CASKIN1: variants seen among roughly 807,000 people sequenced by gnomAD.
CASKIN1 encodes the protein CASK interacting protein 1.
In CASKIN1, 42 loss-of-function variants were observed where a neutral mutation model predicts 117.5. The observed-to-expected ratio is 0.36, with a 90% CI of 0.28 to 0.46. The LOEUF is 0.46. CASKIN1 is among the 20% of genes least tolerant of loss of function. The pLI is 1.00. For missense variants in CASKIN1, 2,083 were observed against 2,077.3 expected (o/e 1.00, Z -0.05); for synonymous variants, 1,148 against 961.7 (o/e 1.19, Z -3.59).
At position 2,177,812 on chromosome 16, in the gene CASKIN1, TG is replaced by T. The variant is rs1391053892; in HGVS notation, c.*737del. On this transcript the variant is annotated 3_prime_UTR_variant, in exon 20 of 20. Transcript: ENST00000343516. ...AGAGCAAGGCACAACCTCGAGTTCT[TG>T]GGGCGCAGAGAACTTAGGAGAGAAG... 4.2e-6 allele frequency: 1 copy of T among 239,586 alleles called. No individual in the cohort carries two copies. Among genetic ancestry groups the T allele is most frequent in the Non-Finnish European group, 8.2e-6 (1 of 121,472 alleles). 14.8% of individuals were successfully genotyped at this position (239,586 alleles called of 1,614,324 possible). A position where few individuals can be genotyped will look rare whatever the true frequency, so the allele number is the denominator to read the frequency against.
intron 9 of CASKIN1, 23 bp from the exon 10 acceptor site, chr16:2,186,847 C>T: frequency 1.2e-6 from 2 of 1,608,024 alleles, no homozygotes; most frequent in Non-Finnish European, 1.7e-6. Context: ...GTGGGGGGCG[C>T]TCAGGGAGAT....
In CASKIN1 at chr16:2,179,620, C is replaced by A; in HGVS notation, c.3748G>T (p.Val1250Leu). 6.8e-7 allele frequency: 1 copy of A among 1,463,316 alleles called. No homozygotes were observed. The highest frequency in any genetic ancestry group is 9.0e-7 in the Non-Finnish European group (1 of 1,113,540). 90.6% of individuals were successfully genotyped at this position (1,463,316 alleles called of 1,614,324 possible). A position where few individuals can be genotyped will look rare whatever the true frequency, so the allele number is the denominator to read the frequency against. The change falls in exon 18 of 20, where the codon GTG becomes TTG. Residue 1250 changes from valine (V) to leucine (L), a missense_variant. Around this residue, in one of 3 missense-constraint regions of CASKIN1, gnomAD observed 1,818 missense variants for 1,688.9 expected, o/e 1.08. Coordinates refer to ENST00000343516, the MANE Select transcript of CASKIN1 (RefSeq NM_020764.4). The surrounding 1 kb of genome is among the most constrained non-coding windows in gnomAD (Gnocchi z 5.8). ...QGSPTPTSKK[V>L]PLPGPGSPEV... ...GGGCTGCCAGGGCCTGGCAGCGGCA[C>A]CTTCTTGGAGGTGGGTGTGGGCGAG... is the stretch of plus-strand genomic sequence containing the variant.
At chr16:2,187,143 C>T in intron 8 of CASKIN1, 23 bp downstream of exon 8, 2 of 1,613,340 alleles carry the variant, frequency 1.2e-6, no homozygotes, top group Non-Finnish European at 1.7e-6. Context: ...CAGCCACTGC[C>T]CCTCTGCCCT....
At position 2,180,948 on chromosome 16, in the gene CASKIN1, G is replaced by A. The variant is rs1402103957; in HGVS notation, c.2420C>T (p.Thr807Ile). The A allele has an allele frequency of 1.4e-6, 2 of 1,465,292 alleles. No individual in the cohort carries two copies. Among genetic ancestry groups the A allele is most frequent in the African/African-American group, 1.5e-5 (1 of 67,512 alleles). The allele number at this position is 1,465,292 out of a possible 1,614,324, so 90.8% of individuals were successfully genotyped here. Residue 807 changes from threonine (T) to isoleucine (I), a missense_variant, in exon 18 of 20, where the codon ACC (threonine) becomes ATC (isoleucine). Around this residue, in one of 3 missense-constraint regions of CASKIN1, gnomAD observed 1,818 missense variants for 1,688.9 expected, o/e 1.08. Coordinates refer to ENST00000343516, the MANE Select transcript of CASKIN1 (RefSeq NM_020764.4). ...CTCTGTCGGCGGCAGCAGCTGCGGGGTGGGCTTCACCTTGGCCGTAGCTGG... is the reference window on the plus strand; with the variant it reads ...CTCTGTCGGCGGCAGCAGCTGCGGGATGGGCTTCACCTTGGCCGTAGCTGG... ...PAPATAKVKP[T>I]PQLLPPTERP...
rs748994359 is a variant in CASKIN1 at position 2,183,718 on chromosome 16, C to T, written c.1557G>A (p.Pro519=). 5.7e-5 allele frequency: 92 copies of T among 1,613,330 alleles called. 1 individual carries two copies. The highest frequency in any genetic ancestry group is 3.3e-4 in the Middle Eastern group (2 of 6,058). The change falls in exon 16 of 20, where the codon CCG becomes CCA. Residue 519 remains proline (P), a synonymous_variant. Transcript: ENST00000343516. ...CTGCCGCGATCTTCTTCCGGTGGCCCGGCTTGGTGACACCAATGGCCGTGA... is the reference window on the plus strand; with the variant it reads ...CTGCCGCGATCTTCTTCCGGTGGCCTGGCTTGGTGACACCAATGGCCGTGA... The part of the protein sequence containing the change: ...EDLTAIGVTK[P]GHRKKIAAEI...
intron 14 of CASKIN1, 139 bp from the exon 15 acceptor site, chr16:2,184,080 G>A: frequency 3.3e-6 from 2 of 606,390 alleles, no homozygotes; most frequent in Non-Finnish European, 5.7e-6. Flanking sequence ...GCAGGCCCCG[G>A]TGAGCCTGGC....
At position 2,179,523 on chromosome 16, in the gene CASKIN1, C is replaced by T. The variant is rs1331291454; in HGVS notation, c.3775+70G>A. On this transcript the variant is annotated intron_variant, in intron 18 of 19. Coordinates refer to ENST00000343516, the MANE Select transcript of CASKIN1 (RefSeq NM_020764.4). This position sits in a 1 kb window ranked among gnomAD's most constrained non-coding sequence, Gnocchi z 5.8. ...CCATCAAACCCAAGAAAAGGAAAAC[C>T]CCTCAGACCACCGAGTAAGGAGGTG... 6 of 1,402,548 alleles carry T rather than the reference C, an allele frequency of 4.3e-6. No homozygotes were observed. Among genetic ancestry groups the T allele is most frequent in the African/African-American group, 1.5e-5 (1 of 66,790 alleles). The allele number at this position is 1,402,548 out of a possible 1,614,324, so 86.9% of individuals were successfully genotyped here. A position where few individuals can be genotyped will look rare whatever the true frequency, so the allele number is the denominator to read the frequency against.
chr16:2,185,548 C>G (rs768215306), intron 10 of CASKIN1, 140 bp from the exon 11 acceptor site: 2 of 682,460 alleles, frequency 2.9e-6, no homozygotes, highest in African/African-American at 3.6e-5. Flanking sequence ...GATAGCCCCT[C>G]GGAAGACCCC....
chr16:2,186,525 G>A (rs1159321158), intron 10 of CASKIN1, among the ~76,000 whole-genome samples, 182 bp downstream of exon 10: 1 of 152,186 alleles, frequency 6.6e-6, no homozygotes, highest in Non-Finnish European at 1.5e-5. Flanking sequence ...AACGCATAAA[G>A]GAATAGGTGT....
intron 1 of CASKIN1, among the ~76,000 whole-genome samples, chr16:2,193,628 G>T (rs1436101205): frequency 6.6e-6 from 1 of 152,244 alleles, no homozygotes; most frequent in African/African-American, 2.4e-5. Flanking sequence ...CACCTTCAGG[G>T]GCTGAAATCT....
At chr16:2,188,991 C>A (rs774504167) in intron 6 of CASKIN1, 36 bp downstream of exon 6, 1 of 1,592,986 alleles carries the variant, frequency 6.3e-7, no homozygotes, top group Non-Finnish European at 8.6e-7. Flanking sequence ...ACCCTGGGGA[C>A]CCTAAGGCTG....
At chr16:2,184,089 G>A (rs1487402120) in intron 14 of CASKIN1, 148 bp from the exon 15 acceptor site, 1 of 518,416 alleles carries the variant, frequency 1.9e-6, no homozygotes, top group Non-Finnish European at 3.4e-6. Context: ...GGTGAGCCTG[G>A]CCCGTGAGTG....
chr16:2,191,590 G>A (rs1056496347), intron 1 of CASKIN1, among the ~76,000 whole-genome samples: 3 of 152,188 alleles, frequency 2.0e-5, no homozygotes, highest in Non-Finnish European at 2.9e-5. Context: ...AATATTAGCC[G>A]TACAGGAATC....
rs1199762929 is a variant in CASKIN1, at chr16:2,182,429, C to T, written c.1630-500G>A. Among the ~76,000 whole-genome samples, 1 of 152,148 alleles carries T rather than the reference C, an allele frequency of 6.6e-6. No homozygotes were observed. Among genetic ancestry groups the T allele is most frequent in the Non-Finnish European group, 1.5e-5 (1 of 68,024 alleles). Reference sequence around the variant, plus strand: ...CAGCCACAACACACACACGTGCCAACACCCACAGCAATCTGCACCGAGAAA... The same window carrying T: ...CAGCCACAACACACACACGTGCCAATACCCACAGCAATCTGCACCGAGAAA... On this transcript the variant is annotated intron_variant, in intron 16 of 19. Transcript: ENST00000343516. The surrounding 1 kb of genome is among the most constrained non-coding windows in gnomAD (Gnocchi z 4.1).
At position 2,185,001 on chromosome 16, in the gene CASKIN1, G is replaced by A. The variant is rs1168682240; in HGVS notation, c.1274C>T (p.Ser425Phe). Residue 425 changes from serine to phenylalanine, a missense_variant, in exon 13 of 20, where the codon TCT (serine) becomes TTT (phenylalanine). Physicochemically the swap from Ser to Phe is radical, Grantham distance 155 (BLOSUM62 -2). Transcript: ENST00000343516. Reference protein sequence around the residue: ...LATVLSQKSVSESGPGDSPAK... With the variant: ...LATVLSQKSVFESGPGDSPAK... ...GGGGCTGTCCCCCGGGCCGGACTCA[G>A]AGACGGACTTCTGGGAAAGCACCGT... is the stretch of plus-strand genomic sequence containing the variant. 1 of 1,609,492 alleles carries A rather than the reference G, an allele frequency of 6.2e-7. No individual in the cohort carries two copies. Among genetic ancestry groups the A allele is most frequent in the Non-Finnish European group, 8.5e-7 (1 of 1,176,910 alleles).
Position 2,180,917 on chromosome 16 carries a change from G to A in CASKIN1, c.2451C>T (p.Pro817=). Residue 817 remains proline, a synonymous_variant, in exon 18 of 20, where the codon CCC becomes CCT. Transcript: ENST00000343516. ...TPQLLPPTER[P]MSPRSLPQSP... ...ACTGAGGCAGGGAGCGGGGTGACAT[G>A]GGGCGCTCTGTCGGCGGCAGCAGCT... 1 of 1,458,320 alleles carries A rather than the reference G, an allele frequency of 6.9e-7. No individual in the cohort carries two copies. Among genetic ancestry groups the A allele is most frequent in the Admixed American group, 2.9e-5 (1 of 34,758 alleles). The allele number at this position is 1,458,320 out of a possible 1,614,324, so 90.3% of individuals were successfully genotyped here. A position where few individuals can be genotyped will look rare whatever the true frequency, so the allele number is the denominator to read the frequency against.
In CASKIN1 at chr16:2,196,323, C is replaced by A; in HGVS notation, c.94+16G>T. The A allele has an allele frequency of 8.5e-7, 1 of 1,174,660 alleles. No individual in the cohort carries two copies. The highest frequency in any genetic ancestry group is 4.2e-5 in the East Asian group (1 of 23,730). 72.8% of individuals were successfully genotyped at this position (1,174,660 alleles called of 1,614,324 possible). A position where few individuals can be genotyped will look rare whatever the true frequency, so the allele number is the denominator to read the frequency against. On this transcript the variant is annotated intron_variant, in intron 1 of 19. Coordinates refer to ENST00000343516, the MANE Select transcript of CASKIN1 (RefSeq NM_020764.4). This position sits in a 1 kb window ranked among gnomAD's most constrained non-coding sequence, Gnocchi z 5.7. The stretch of plus-strand genomic sequence containing the variant: ...CCCCGGGGCTCCCACCCGCGCCCCG[C>A]GCCCCCGGCACTCACTGGCCTTCCC...
rs754235888 is a variant in CASKIN1, at chr16:2,181,153, G to C, written c.2215C>G (p.Pro739Ala). The part of the protein sequence containing the change: ...LDEGPAPGTP[P>A]REARPGRHGH... Reference sequence around the variant, plus strand: ...TGGCGGCCGGGCCGGGCCTCCCTGGGCGGGGTGCCGGGGGCGGGGCCCTCA... The same window carrying C: ...TGGCGGCCGGGCCGGGCCTCCCTGGCCGGGGTGCCGGGGGCGGGGCCCTCA... Residue 739 changes from proline (P) to alanine (A), a missense_variant, in exon 18 of 20, where the codon CCC becomes GCC. Physicochemically the swap from Pro to Ala is conservative, Grantham distance 27. This residue lies in a region of CASKIN1 where 1,818 missense variants were observed against 1,688.9 expected (regional missense o/e 1.08). Transcript: ENST00000343516. 6.7e-7 allele frequency: 1 copy of C among 1,493,664 alleles called. No homozygotes were observed. Among genetic ancestry groups the C allele is most frequent in the African/African-American group, 1.4e-5 (1 of 71,188 alleles). 92.5% of individuals were successfully genotyped at this position (1,493,664 alleles called of 1,614,324 possible).
chr16:2,195,729 G>T (rs924019478), intron 1 of CASKIN1, among the ~76,000 whole-genome samples: 1 of 152,202 alleles, frequency 6.6e-6, no homozygotes, highest in East Asian at 1.9e-4. Flanking sequence ...CGCCCAGGCC[G>T]GCCCTGCCTG....
Sources: gnomAD v4.1 joint callset for allele counts (sites outside exome capture counted in the v4.1 genomes callset) on GRCh38, gnomAD v4.1.1 for gene constraint, gnomAD v4.1.1 regional missense constraint, Gnocchi (gnomAD v3.1) non-coding constraint, MANE v1.5 for transcripts, NCBI Gene and HGNC (gene_info 2026-07-23, HGNC 2026-07-21) for gene names.